Variants in MASP2 observed in about 807,000 individuals in gnomAD.
The protein encoded by MASP2 is MBL associated serine protease 2, also known as mannan-binding lectin serine protease 2.
In MASP2, 49 loss-of-function variants were observed where a neutral mutation model predicts 57.1. The observed-to-expected ratio is 0.86, with a 90% CI of 0.68 to 1.09. The LOEUF is 1.09. Ranked by LOEUF, MASP2 falls within the 50% of genes least tolerant of loss-of-function variation. The pLI is 0.00. For missense variants in MASP2, 900 were observed against 874.8 expected, an observed-to-expected ratio of 1.03 and a Z score of -0.36; for synonymous variants, 379 against 340.8, an observed-to-expected ratio of 1.11 and a Z score of -1.24.
intron 6 of MASP2, among the ~76,000 whole-genome samples, chr1:11,041,404 GTGGATGGATGGA>G: frequency 8.3e-6 from 1 of 120,860 alleles, no homozygotes; most frequent in South Asian, 3.0e-4. Flanking sequence ...GGATGGATGA[GTGGATGGATGGA>G]TGGATGGATG....
intron 8 of MASP2, among the ~76,000 whole-genome samples, chr1:11,033,393 C>T (rs1643867016): frequency 6.6e-6 from 1 of 151,914 alleles, no homozygotes; most frequent in East Asian, 1.9e-4. Context: ...GCCTGTACTA[C>T]TAGCGCTTTG....
rs755806620 is a variant in MASP2, at chr1:11,030,853, G to A, written c.1117C>T (p.Pro373Ser). 7 of 1,613,632 alleles carry A rather than the reference G, an allele frequency of 4.3e-6. No homozygotes were observed. The South Asian group carries it at 6.6e-5, about 15-fold the overall frequency. The change falls in exon 9 of 11, where the codon CCC (proline) becomes TCC (serine). Residue 373 changes from proline to serine, a missense_variant. Physicochemically the swap from Pro to Ser is moderately conservative, Grantham distance 74. Coordinates refer to ENST00000400897, the MANE Select transcript of MASP2 (RefSeq NM_006610.4). ...IVDCGPPDDL[P>S]SGRVEYITGP... ...GTGATGTACTCCACTCGGCCACTGG[G>A]TAGATCATCAGGAGGGCCACAGTCA...
In MASP2 at chr1:11,043,415, C is replaced by G; in HGVS notation, c.665G>C (p.Ser222Thr). 1.2e-6 allele frequency: 2 copies of G among 1,610,992 alleles called. No individual in the cohort carries two copies. The highest frequency in any genetic ancestry group is 1.7e-6 in the Non-Finnish European group (2 of 1,179,010). The change falls in exon 5 of 11, where the codon AGT (serine) becomes ACT (threonine). Residue 222 changes from serine to threonine, a missense_variant. Coordinates refer to ENST00000400897, the MANE Select transcript of MASP2 (RefSeq NM_006610.4). Reference sequence around the variant, plus strand: ...GGACTCCACAAAGTCCAGAATGACACTGAACCCCTCCTCCAGGCTGATGCT... The same window carrying G: ...GGACTCCACAAAGTCCAGAATGACAGTGAACCCCTCCTCCAGGCTGATGCT... ...TYSISLEEGF[S>T]VILDFVESFD...
intron 8 of MASP2, among the ~76,000 whole-genome samples, chr1:11,031,543 A>AAAAAAAAT (rs1643846481): frequency 6.7e-6 from 1 of 150,208 alleles, no homozygotes; most frequent in Non-Finnish European, 1.5e-5. Context: ...AAAAAAAAAA[A>AAAAAAAAT]AAAGGCTGCA....
intron 10 of MASP2, 105 bp downstream of exon 10, chr1:11,030,071 C>CT (rs1275723582): frequency 3.0e-5 from 23 of 760,152 alleles, no homozygotes; most frequent in Non-Finnish European, 5.1e-5. Flanking sequence ...GAGCCAAGTG[C>CT]TGAAGTTACA....
chr1:11,045,372 G>A (rs374500810), intron 4 of MASP2, 36 bp downstream of exon 4: 115 of 1,611,682 alleles, frequency 7.1e-5, no homozygotes, highest in Non-Finnish European at 8.8e-5. Context: ...GGTATCCCAG[G>A]AGAGGGTGCG....
chr1:11,034,700 G>GAAAAAA, intron 8 of MASP2, 128 bp downstream of exon 8: 19 of 492,032 alleles, frequency 3.9e-5, no homozygotes, highest in African/African-American at 2.5e-4. Context: ...CCCTGTCTCA[G>GAAAAAA]AAAAAAAAAA....
At position 11,035,170 on chromosome 1, in the gene MASP2, A is replaced by G. The variant is rs75650651; in HGVS notation, c.1009-264T>C. 5.9e-5 allele frequency among the ~76,000 whole-genome samples: 9 copies of G among 152,272 alleles called. No individual in the cohort carries two copies. The East Asian group carries it at 1.7e-3, about 29-fold the overall frequency. The stretch of plus-strand genomic sequence containing the variant: ...AACAGGTATTGGCATTTTATGAATC[A>G]GATGGAACCTTTGCAGCAATTTATA... On this transcript the variant is annotated intron_variant, in intron 7 of 10. Coordinates refer to ENST00000400897, the MANE Select transcript of MASP2 (RefSeq NM_006610.4).
At chr1:11,034,679 A>G (rs1179561487) in intron 8 of MASP2, 149 bp downstream of exon 8, 11 of 538,212 alleles carry the variant, frequency 2.0e-5, no homozygotes, top group Non-Finnish European at 3.6e-5. Flanking sequence ...AGTCTGGGCA[A>G]CAGAGCAAGA....
chr1:11,043,379 T>A lies in MASP2; in HGVS notation c.701A>T (p.Glu234Val). 6.2e-7 allele frequency: 1 copy of A among 1,609,664 alleles called. No individual in the cohort carries two copies. Residue 234 changes from glutamate (E) to valine (V), a missense_variant, in exon 5 of 11, where the codon GAG becomes GTG. Coordinates refer to ENST00000400897, the MANE Select transcript of MASP2 (RefSeq NM_006610.4). ...ILDFVESFDV[E>V]THPETLCPYD... Reference sequence around the variant, plus strand: ...GGGACACAGGGTTTCAGGGTGTGTCTCCACATCGAAGGACTCCACAAAGTC... The same window carrying A: ...GGGACACAGGGTTTCAGGGTGTGTCACCACATCGAAGGACTCCACAAAGTC...
At chr1:11,044,770 TC>T in intron 4 of MASP2, 1 of 830,706 alleles carries the variant, frequency 1.2e-6, no homozygotes, top group Middle Eastern at 4.3e-4. Flanking sequence ...CTCCCGACCC[TC>T]CCACCCCAGA....
intron 7 of MASP2, 141 bp downstream of exon 7, chr1:11,037,552 C>T: frequency 3.7e-6 from 2 of 547,700 alleles, no homozygotes; most frequent in Middle Eastern, 5.3e-4. Flanking sequence ...TATTTCTTGG[C>T]TTTTTATCAT....
At position 11,042,898 on chromosome 1, in the gene MASP2, C is replaced by T. The variant is rs1446042927; in HGVS notation, c.866G>A (p.Trp289Ter). The T allele has an allele frequency of 1.2e-6, 2 of 1,613,842 alleles. No homozygotes were observed. Among genetic ancestry groups the T allele is most frequent in the African/African-American group, 2.7e-5 (2 of 74,916 alleles). ...ACCTGTGCTCGTGTAGTGGATCTTC[C>T]AGCCTGTGTGGTCTCCTGATTCATC... ...VTDESGDHTG[W>*]KIHYTSTAQP... The change falls in exon 6 of 11, where the codon TGG (tryptophan) becomes TAG (stop). Residue 289 changes from tryptophan to a stop codon, truncating the protein, a stop_gained. Coordinates refer to ENST00000400897, the MANE Select transcript of MASP2 (RefSeq NM_006610.4). LOFTEE classifies it high-confidence loss of function.
At chr1:11,036,623 G>A (rs575566550) in intron 7 of MASP2, among the ~76,000 whole-genome samples, 66 of 137,030 alleles carry the variant, frequency 4.8e-4, no homozygotes, top group African/African-American at 1.9e-3. Flanking sequence ...TGGGAAAAGT[G>A]TCTCTCTTTT....
At chr1:11,044,654 CGGG>C in intron 4 of MASP2, 1 of 760,922 alleles carries the variant, frequency 1.3e-6, no homozygotes, top group Middle Eastern at 3.9e-4. Context: ...ATCTTCAAAA[CGGG>C]GGGTGAGGCC....
chr1:11,045,137 G>A, intron 4 of MASP2: 1 of 743,638 alleles, frequency 1.3e-6, no homozygotes, highest in Non-Finnish European at 2.4e-6. Flanking sequence ...CTCTCCCGTG[G>A]CTACATGAGG....
intron 6 of MASP2, among the ~76,000 whole-genome samples, chr1:11,040,008 G>A (rs114304279): frequency 0.022 from 3,362 of 151,198 alleles, 129 homozygotes; most frequent in African/African-American, 0.075. Context: ...AGGATTGGTA[G>A]GCAGAAGAAT....
chr1:11,034,304 T>C (rs927470220), intron 8 of MASP2, among the ~76,000 whole-genome samples: 4 of 144,198 alleles, frequency 2.8e-5, no homozygotes, highest in African/African-American at 5.2e-5. Context: ...ATACCTTCCC[T>C]AGTAGGTTGG....
chr1:11,027,466 C>T lies in MASP2; in HGVS notation c.1480G>A (p.Ala494Thr). The T allele has an allele frequency of 6.2e-7, 1 of 1,614,074 alleles. No individual in the cohort carries two copies. Among genetic ancestry groups the T allele is most frequent in the Non-Finnish European group, 8.5e-7 (1 of 1,180,006 alleles). Reference sequence around the variant, plus strand: ...AGGGTGCCCATTCGAATGTCCAGGGCGGATGCATCATGTTTTTGCTCATAG... The same window carrying T: ...AGGGTGCCCATTCGAATGTCCAGGGTGGATGCATCATGTTTTTGCTCATAG... The part of the protein sequence containing the change: ...AVYEQKHDAS[A>T]LDIRMGTLKR... Residue 494 changes from alanine (A) to threonine (T), a missense_variant, in exon 11 of 11, where the codon GCC (alanine) becomes ACC (threonine). By Grantham distance (58) the Ala-to-Thr change is moderately conservative. Transcript: ENST00000400897.
Sources: gnomAD v4.1 joint callset for allele counts (sites outside exome capture counted in the v4.1 genomes callset) on GRCh38, gnomAD v4.1.1 for gene constraint, MANE v1.5 for transcripts, NCBI Gene and HGNC (gene_info 2026-07-23, HGNC 2026-07-21) for gene names.